The following PHEX variants were observed in gnomAD, a reference collection of about 807,000 sequenced individuals.
PHEX encodes phosphate regulating endopeptidase X-linked.
In PHEX, 16 loss-of-function variants were observed where a neutral mutation model predicts 68.0. The observed-to-expected ratio is 0.24, with a 90% CI of 0.16 to 0.36. The LOEUF (loss-of-function observed/expected upper bound fraction) is 0.36, where lower values mean the gene tolerates loss of function less well. PHEX is among the 10% of genes least tolerant of loss of function. The probability of loss-of-function intolerance (pLI) is 1.00; values close to 1 mark genes in which losing one functional copy is unlikely to be tolerated. For missense variants in PHEX, 480 were observed against 575.5 expected (o/e 0.83, Z 1.70); for synonymous variants, 208 against 205.1 (o/e 1.01, Z -0.12).
At chrX:22,057,261 C>T (rs949820609) in intron 3 of PHEX, among the ~76,000 whole-genome samples, 9 of 111,939 alleles carry the variant, frequency 8.0e-5, no homozygotes, top group Non-Finnish European at 1.3e-4. Flanking sequence ...CTGGGAATAA[C>T]TCAAATGGAT....
chrX:22,090,280 C>T, intron 5 of PHEX, 149 bp from the exon 6 acceptor site: 1 of 503,489 alleles, frequency 2.0e-6, no homozygotes, highest in African/African-American at 2.3e-5. Flanking sequence ...TGCCTATTTG[C>T]ATGTAATTCT....
chrX:22,139,380 TG>T lies in PHEX; in HGVS notation c.1404+5758del, dbSNP rs750002175. Among the ~76,000 whole-genome samples the T allele has an allele frequency of 4.1e-3, 466 of 112,409 alleles. 1 individual carries two copies. Among genetic ancestry groups the T allele is most frequent in the Non-Finnish European group, 5.4e-3 (290 of 53,296 alleles). ...GGATGCATTTCTTTTCTCTGGATTT[TG>T]GATTTTGTGGTTTTGAACAAATTCA... On this transcript the variant is annotated intron_variant, in intron 12 of 21. Coordinates refer to ENST00000379374, the MANE Select transcript of PHEX (RefSeq NM_000444.6).
intron 5 of PHEX, among the ~76,000 whole-genome samples, chrX:22,082,390 A>G (rs371989240): frequency 8.9e-6 from 1 of 112,404 alleles, no homozygotes; most frequent in East Asian, 2.8e-4. Flanking sequence ...ACTTTTTGAT[A>G]ATAACCATTC....
intron 11 of PHEX, among the ~76,000 whole-genome samples, chrX:22,126,877 T>G (rs966637480): frequency 1.1e-5 from 1 of 90,551 alleles, no homozygotes; most frequent in African/African-American, 4.2e-5. Context: ...TTTTTTTTTT[T>G]TTTTTTTTTT....
At chrX:22,185,975 C>T (rs921561485) in intron 14 of PHEX, among the ~76,000 whole-genome samples, 6 of 110,606 alleles carry the variant, frequency 5.4e-5, no homozygotes, top group Admixed American at 9.6e-5. Context: ...AGGCTGGTTT[C>T]GAACTCCTGA....
At chrX:22,035,338 A>G (rs1330517542) in intron 1 of PHEX, among the ~76,000 whole-genome samples, 2 of 111,260 alleles carry the variant, frequency 1.8e-5, no homozygotes, top group Non-Finnish European at 3.8e-5. Flanking sequence ...TCTCAGATGC[A>G]CTGGCTGGCA....
intron 10 of PHEX, among the ~76,000 whole-genome samples, chrX:22,113,005 TTGTGTGTGTGTGTGTGTGTGTG>T (rs560422828): frequency 4.3e-4 from 38 of 88,693 alleles, no homozygotes; most frequent in African/African-American, 1.4e-3. Context: ...CAAGTAGGTT[TTGTGTGTGTGTGTGTGTGTGTG>T]TGTGTGTGTG....
At chrX:22,167,052 A>G (rs902548531) in intron 12 of PHEX, among the ~76,000 whole-genome samples, 2 of 111,922 alleles carry the variant, frequency 1.8e-5, no homozygotes, top group African/African-American at 6.5e-5. Context: ...TCCTCTGTTA[A>G]TAGACATTTA....
At chrX:22,102,294 A>G (rs1930466865) in intron 9 of PHEX, among the ~76,000 whole-genome samples, 1 of 111,272 alleles carries the variant, frequency 9.0e-6, no homozygotes, top group African/African-American at 3.3e-5. Flanking sequence ...TTTAATTGTT[A>G]GCTCCCACAG....
intron 3 of PHEX, among the ~76,000 whole-genome samples, chrX:22,049,980 T>C (rs1041423216): frequency 8.9e-6 from 1 of 112,969 alleles, no homozygotes; most frequent in African/African-American, 3.2e-5. Context: ...CCATTGCCAG[T>C]AGGCAAAATC....
chrX:22,064,193 G>A (rs747560321), intron 3 of PHEX, among the ~76,000 whole-genome samples: 4 of 111,501 alleles, frequency 3.6e-5, no homozygotes, highest in Admixed American at 9.6e-5. Flanking sequence ...GGTTTGTTAC[G>A]TAGGTAAACT....
chrX:22,180,599 C>A (rs1933854125), intron 14 of PHEX, among the ~76,000 whole-genome samples: 1 of 111,696 alleles, frequency 9.0e-6, no homozygotes, highest in South Asian at 3.8e-4. Context: ...GTATCCATAG[C>A]CTCAAGCATT....
intron 14 of PHEX, among the ~76,000 whole-genome samples, chrX:22,178,886 T>G (rs1189786316): frequency 9.0e-6 from 1 of 111,071 alleles, no homozygotes; most frequent in Non-Finnish European, 1.9e-5. Context: ...CCTATAGGAG[T>G]TTTTCCTACA....
chrX:22,088,712 C>T (rs1341246872), intron 5 of PHEX, among the ~76,000 whole-genome samples: 1 of 111,369 alleles, frequency 9.0e-6, no homozygotes, highest in Non-Finnish European at 1.9e-5. Flanking sequence ...CGTCCTTTGT[C>T]ATATATGTGA....
At chrX:22,109,834 G>C (rs112185617) in intron 9 of PHEX, among the ~76,000 whole-genome samples, 487 of 111,949 alleles carry the variant, frequency 4.4e-3, no homozygotes, top group African/African-American at 0.014. Context: ...ATGTATTATA[G>C]GCATTACATG....
chrX:22,047,771 A>G (rs1190266728), intron 3 of PHEX, among the ~76,000 whole-genome samples: 1 of 111,596 alleles, frequency 9.0e-6, no homozygotes, highest in Non-Finnish European at 1.9e-5. Flanking sequence ...AGAAACATAC[A>G]TATGTTCTCA....
chrX:22,041,308 C>T (rs996511516), intron 2 of PHEX, among the ~76,000 whole-genome samples: 16 of 78,181 alleles, frequency 2.0e-4, no homozygotes, highest in Admixed American at 7.3e-4. Flanking sequence ...TATATTTTAA[C>T]CAGGCTGTGT....
chrX:22,101,662 G>T (rs1007344625), intron 9 of PHEX, among the ~76,000 whole-genome samples: 1 of 111,503 alleles, frequency 9.0e-6, no homozygotes, highest in African/African-American at 3.3e-5. Context: ...AACAGAGAGG[G>T]TGGAGGATTG....
At chrX:22,234,722 C>T (rs932460678) in intron 20 of PHEX, among the ~76,000 whole-genome samples, 2 of 109,806 alleles carry the variant, frequency 1.8e-5, no homozygotes, top group Non-Finnish European at 3.8e-5. Context: ...GGGTAGGACC[C>T]GCCAAGCCAG....
Sources: gnomAD v4.1 joint callset for allele counts (sites outside exome capture counted in the v4.1 genomes callset) on GRCh38, gnomAD v4.1.1 for gene constraint, MANE v1.5 for transcripts, NCBI Gene and HGNC (gene_info 2026-07-23, HGNC 2026-07-21) for gene names.